The following ZBTB40 variants were observed in gnomAD, a reference collection of about 807,000 sequenced individuals.
The protein encoded by ZBTB40 is zinc finger and BTB domain containing 40, also known as zinc finger and BTB domain-containing protein 40.
Under a neutral mutation model 117.5 loss-of-function variants are expected in ZBTB40, and 60 were observed. That is an observed-to-expected ratio of 0.51 (90% CI 0.41 to 0.63). ZBTB40 has a LOEUF of 0.63. Among genes scored for constraint, ZBTB40 ranks in the 30% least tolerant of loss-of-function variants. ZBTB40 has a pLI of 0.00. For missense variants in ZBTB40, 1,287 were observed against 1,498.5 expected (o/e 0.86, Z 2.33); for synonymous variants, 525 against 577.1 (o/e 0.91, Z 1.29).
At chr1:22,432,242 A>G (rs1640601235) in intron 1 of ZBTB40, among the ~76,000 whole-genome samples, 1 of 152,158 alleles carries the variant, frequency 6.6e-6, no homozygotes, top group African/African-American at 2.4e-5. Flanking sequence ...CAAAAGGTGT[A>G]TAGGAAATAT....
chr1:22,517,658 G>A (rs563203044), intron 13 of ZBTB40, 194 bp downstream of exon 13: 10 of 667,312 alleles, frequency 1.5e-5, no homozygotes, highest in African/African-American at 1.1e-4. Flanking sequence ...CTCATATAAC[G>A]CTTATTTCTC....
At chr1:22,507,240 G>A (rs1639096655) in intron 6 of ZBTB40, among the ~76,000 whole-genome samples, 1 of 152,158 alleles carries the variant, frequency 6.6e-6, no homozygotes. Context: ...ATGAGGTAAG[G>A]GTGGTACCTA....
chr1:22,472,123 T>A, intron 1 of ZBTB40, among the ~76,000 whole-genome samples: 1 of 151,720 alleles, frequency 6.6e-6, no homozygotes, highest in African/African-American at 2.4e-5. Flanking sequence ...GGGGTACTTG[T>A]GGTAGGCCAT....
chr1:22,497,944 G>A (rs1027250691), intron 3 of ZBTB40, among the ~76,000 whole-genome samples: 1 of 152,290 alleles, frequency 6.6e-6, no homozygotes, highest in Middle Eastern at 3.4e-3. Context: ...CCAGCCCTCA[G>A]CAGTCAAGGG....
Position 22,475,869 on chromosome 1 carries a change from A to G in ZBTB40, c.-69-14011A>G, listed in dbSNP as rs562587194. ...CCCACAAATAGTTAATTATTTATGTATGTTACCACTGATTGGTATGAGGAC... is the reference window on the plus strand; with the variant it reads ...CCCACAAATAGTTAATTATTTATGTGTGTTACCACTGATTGGTATGAGGAC... On this transcript the variant is annotated intron_variant, in intron 1 of 17. Transcript: ENST00000375647. Among the ~76,000 whole-genome samples, 167 of 152,314 alleles carry G rather than the reference A, an allele frequency of 1.1e-3. 1 individual carries two copies. The highest frequency in any genetic ancestry group is 3.9e-3 in the African/African-American group (164 of 41,572).
Position 22,508,750 on chromosome 1 carries a change from G to A in ZBTB40, c.1699+19G>A, listed in dbSNP as rs1557515327. On this transcript the variant is annotated intron_variant, in intron 8 of 17. Coordinates refer to ENST00000375647, the MANE Select transcript of ZBTB40 (RefSeq NM_014870.4). ...CGGGCAGGTAAGTTACCTGCCCTCT[G>A]GGGGGGTTTTGCCCCCACTAGAGAT... 1.9e-6 allele frequency: 3 copies of A among 1,609,242 alleles called. No individual in the cohort carries two copies. Among genetic ancestry groups the A allele is most frequent in the South Asian group, 1.1e-5 (1 of 90,892 alleles).
At chr1:22,505,262 G>C (rs921150816) in intron 5 of ZBTB40, among the ~76,000 whole-genome samples, 8 of 152,150 alleles carry the variant, frequency 5.3e-5, no homozygotes, top group Non-Finnish European at 1.5e-5. Context: ...GCTAAGCTAT[G>C]CATATTATGC....
Position 22,517,410 on chromosome 1 carries a change from G to A in ZBTB40, c.2779G>A (p.Gly927Ser), listed in dbSNP as rs1639401432. 6.2e-7 allele frequency: 1 copy of A among 1,614,168 alleles called. No individual in the cohort carries two copies. Among genetic ancestry groups the A allele is most frequent in the East Asian group, 2.2e-5 (1 of 44,874 alleles). ...GDKPYVCRDC[G>S]KGFRQANGLS... ...CAAGCCCTATGTCTGCAGAGACTGTGGCAAGGGCTTCCGGCAAGCCAATGG... is the reference window on the plus strand; with the variant it reads ...CAAGCCCTATGTCTGCAGAGACTGTAGCAAGGGCTTCCGGCAAGCCAATGG... Residue 927 changes from glycine (G) to serine (S), a missense_variant, in exon 13 of 18, where the codon GGC (glycine) becomes AGC (serine). Coordinates refer to ENST00000375647, the MANE Select transcript of ZBTB40 (RefSeq NM_014870.4).
At chr1:22,461,426 G>A (rs953899484) in intron 1 of ZBTB40, among the ~76,000 whole-genome samples, 1 of 151,394 alleles carries the variant, frequency 6.6e-6, no homozygotes, top group African/African-American at 2.4e-5. Flanking sequence ...AATCCCATAG[G>A]CTCTTTCCCA....
chr1:22,491,364 G>A (rs1208305605), intron 2 of ZBTB40, 36 bp from the exon 3 acceptor site: 2 of 1,610,496 alleles, frequency 1.2e-6, no homozygotes, highest in East Asian at 2.2e-5. Flanking sequence ...TTCAAGTAAT[G>A]AATTTCTGAT....
Position 22,512,028 on chromosome 1 carries a change from G to C in ZBTB40, c.2355G>C (p.Gln785His), listed in dbSNP as rs1035968220. ...KDSKKELDKH[Q>H]LEAHGAGGEP... ...CAAAGAAAGAGCTGGACAAACATCA[G>C]CTGGAGGCCCATGGTGCAGGTGGAG... Residue 785 changes from glutamine (Q) to histidine (H), a missense_variant, in exon 11 of 18, where the codon CAG becomes CAC. Around this residue, in one of 2 missense-constraint regions of ZBTB40, gnomAD observed 870 missense variants for 934.4 expected, o/e 0.93. Transcript: ENST00000375647. 1 of 1,614,056 alleles carries C rather than the reference G, an allele frequency of 6.2e-7. No homozygotes were observed. Among genetic ancestry groups the C allele is most frequent in the African/African-American group, 1.3e-5 (1 of 74,922 alleles).
In ZBTB40 at chr1:22,531,072, TGTA is replaced by T. The variant is rs1167000742; in HGVS notation, c.*4680_*4682del. On this transcript the variant is annotated 3_prime_UTR_variant, in exon 18 of 18. Transcript: ENST00000375647. ...AATGATTGTGCTTGCCCTACAGAAT[TGTA>T]GTATGAATTAAAAGTCTGGATTTAA... The T allele has an allele frequency of 1.3e-5, 2 of 152,180 alleles. No homozygotes were observed. Among genetic ancestry groups the T allele is most frequent in the African/African-American group, 4.8e-5 (2 of 41,440 alleles). 9.4% of individuals were successfully genotyped at this position (152,180 alleles called of 1,614,324 possible).
intron 17 of ZBTB40, among the ~76,000 whole-genome samples, chr1:22,525,081 G>T (rs1030912288): frequency 6.6e-6 from 1 of 152,160 alleles, no homozygotes; most frequent in Non-Finnish European, 1.5e-5. Flanking sequence ...AGACTGTCCC[G>T]CTGTCCAGTT....
chr1:22,472,793 A>G (rs1374454970), intron 1 of ZBTB40, among the ~76,000 whole-genome samples: 1 of 152,222 alleles, frequency 6.6e-6, no homozygotes, highest in Non-Finnish European at 1.5e-5. Flanking sequence ...GATCAAGAGC[A>G]GTGTGTCCTG....
At chr1:22,514,043 G>A (rs1557519875) in intron 12 of ZBTB40, among the ~76,000 whole-genome samples, 1 of 152,204 alleles carries the variant, frequency 6.6e-6, no homozygotes, top group Non-Finnish European at 1.5e-5. Context: ...GCCTGAAGGG[G>A]GCAGGGAGAG....
intron 16 of ZBTB40, among the ~76,000 whole-genome samples, 160 bp from the exon 17 acceptor site, chr1:22,524,058 C>A (rs939152165): frequency 2.0e-5 from 3 of 151,994 alleles, no homozygotes; most frequent in African/African-American, 4.8e-5. Context: ...TTCTTAAGGC[C>A]CCCCAGATTG....
At chr1:22,481,332 C>T (rs992970989) in intron 1 of ZBTB40, among the ~76,000 whole-genome samples, 2 of 152,120 alleles carry the variant, frequency 1.3e-5, no homozygotes, top group Non-Finnish European at 2.9e-5. Context: ...AACTTAGATT[C>T]ATTATGTAGC....
rs753087256 is a variant in ZBTB40, at chr1:22,511,777, G to C, written c.2104G>C (p.Asp702His). Residue 702 changes from aspartate (D) to histidine (H), a missense_variant, in exon 11 of 18, where the codon GAC becomes CAC. This residue lies in a region of ZBTB40 where 870 missense variants were observed against 934.4 expected (regional missense o/e 0.93). Transcript: ENST00000375647. ...NKEDEKAAKE[D>H]SQPGEQNDQG... ...AGAAGATGAAAAGGCAGCCAAAGAA[G>C]ACAGCCAGCCTGGGGAACAGAATGA... The C allele has an allele frequency of 8.7e-6, 14 of 1,610,458 alleles. No homozygotes were observed. The highest frequency in any genetic ancestry group is 1.1e-5 in the Non-Finnish European group (13 of 1,178,948).
intron 17 of ZBTB40, among the ~76,000 whole-genome samples, chr1:22,525,878 T>C (rs2124477987): frequency 6.6e-6 from 1 of 152,306 alleles, no homozygotes; most frequent in Admixed American, 6.5e-5. Flanking sequence ...CACTCACCTC[T>C]GCAGTGTCAT....
Sources: gnomAD v4.1 joint callset for allele counts (sites outside exome capture counted in the v4.1 genomes callset) on GRCh38, gnomAD v4.1.1 for gene constraint, gnomAD v4.1.1 regional missense constraint, MANE v1.5 for transcripts, NCBI Gene and HGNC (gene_info 2026-07-23, HGNC 2026-07-21) for gene names.